The following OR2L13 variants were observed in gnomAD, a reference collection of about 807,000 sequenced individuals.
The protein encoded by OR2L13 is olfactory receptor 2L13.
In OR2L13, 14 loss-of-function variants were observed where a neutral mutation model predicts 15.3. The ratio of observed to expected loss-of-function variants is 0.91; its 90% CI spans 0.60 to 1.43. The LOEUF (loss-of-function observed/expected upper bound fraction) is 1.43. Among genes scored for constraint, OR2L13 ranks in the 40% most tolerant of loss-of-function variants. The probability of loss-of-function intolerance (pLI) is 0.00; values close to 1 mark genes in which losing one functional copy is unlikely to be tolerated. For synonymous variants in OR2L13, 152 were observed against 142.9 expected (o/e 1.06, Z -0.45); for missense variants, 367 against 387.9 (o/e 0.95, Z 0.45).
At chr1:247,951,423 G>C in the OR2L13 span, among the ~76,000 whole-genome samples, 1 of 152,082 alleles carries the variant, frequency 6.6e-6, no homozygotes, top group South Asian at 2.1e-4. Context: ...CTTTCGATTT[G>C]TTTGTATTCT....
chr1:247,996,473 T>C, the OR2L13 span, among the ~76,000 whole-genome samples: 2 of 152,230 alleles, frequency 1.3e-5, no homozygotes, highest in African/African-American at 2.4e-5. Flanking sequence ...TTTTCTAAAC[T>C]CTTCTTTCAG....
the OR2L13 span, among the ~76,000 whole-genome samples, chr1:247,993,762 GGAGAGAGAGAGA>G: frequency 7.1e-4 from 38 of 53,666 alleles, 1 homozygote; most frequent in African/African-American, 3.0e-3. Flanking sequence ...AGAGAGAGGG[GGAGAGAGAGAGA>G]GAGAGAGAGA....
the OR2L13 span, among the ~76,000 whole-genome samples, chr1:248,075,457 A>G: frequency 1.3e-5 from 2 of 152,184 alleles, no homozygotes; most frequent in South Asian, 4.1e-4. Flanking sequence ...GAACTAATTT[A>G]CACTCCCACC....
chr1:248,018,018 G>A, the OR2L13 span, among the ~76,000 whole-genome samples: 5 of 152,012 alleles, frequency 3.3e-5, no homozygotes, highest in African/African-American at 7.3e-5. Context: ...AGCCTGGCGT[G>A]GTGGTGGGCC....
At chr1:248,016,785 G>A in the OR2L13 span, among the ~76,000 whole-genome samples, 2 of 151,750 alleles carry the variant, frequency 1.3e-5, no homozygotes, top group Admixed American at 6.6e-5. Context: ...ATAAACTTAT[G>A]TATGTATGTG....
the OR2L13 span, among the ~76,000 whole-genome samples, chr1:247,979,539 AT>A: frequency 6.6e-6 from 1 of 151,852 alleles, no homozygotes; most frequent in South Asian, 2.1e-4. Flanking sequence ...TATGTGCCAC[AT>A]TTTTTTTATC....
the OR2L13 span, among the ~76,000 whole-genome samples, chr1:247,961,931 A>C: frequency 6.6e-6 from 1 of 152,206 alleles, no homozygotes; most frequent in Non-Finnish European, 1.5e-5. Context: ...TTAAAAATTC[A>C]GAATCTTACT....
the OR2L13 span, among the ~76,000 whole-genome samples, chr1:247,964,502 C>T: frequency 1.3e-5 from 2 of 152,122 alleles, no homozygotes; most frequent in East Asian, 3.8e-4. Context: ...AATTTATCAT[C>T]CACACAATTT....
the OR2L13 span, chr1:248,022,873 C>T: frequency 2.6e-5 from 41 of 1,606,470 alleles, no homozygotes; most frequent in South Asian, 6.6e-5. Flanking sequence ...AATATCTTCT[C>T]GGTGAAAATG....
the OR2L13 span, among the ~76,000 whole-genome samples, chr1:248,024,705 T>C: frequency 2.0e-5 from 3 of 152,174 alleles, no homozygotes; most frequent in Non-Finnish European, 2.9e-5. Flanking sequence ...TTGTCAAAGA[T>C]CAGATAGTTG....
At chr1:248,016,718 T>G in the OR2L13 span, among the ~76,000 whole-genome samples, 1 of 151,876 alleles carries the variant, frequency 6.6e-6, no homozygotes, top group Non-Finnish European at 1.5e-5. Context: ...AAATGTATAT[T>G]TATATATGTA....
the OR2L13 span, among the ~76,000 whole-genome samples, chr1:247,953,825 A>G: frequency 2.0e-5 from 3 of 152,108 alleles, no homozygotes; most frequent in Non-Finnish European, 4.4e-5. Context: ...AATGCAGTGT[A>G]CCTGAATAAA....
the OR2L13 span, among the ~76,000 whole-genome samples, chr1:248,072,584 A>G: frequency 6.6e-6 from 1 of 152,142 alleles, no homozygotes; most frequent in African/African-American, 2.4e-5. Context: ...CTTCATGTCT[A>G]AAACACCAAA....
the OR2L13 span, among the ~76,000 whole-genome samples, chr1:247,970,480 A>G: frequency 1.3e-5 from 2 of 152,002 alleles, no homozygotes; most frequent in Non-Finnish European, 2.9e-5. Flanking sequence ...AAAACCCACA[A>G]CTTGTGTGTA....
the OR2L13 span, among the ~76,000 whole-genome samples, chr1:247,938,090 A>G: frequency 6.6e-6 from 1 of 152,160 alleles, no homozygotes; most frequent in Admixed American, 6.5e-5. Flanking sequence ...CAACTATTTA[A>G]TGTTCATAAT....
the OR2L13 span, chr1:247,966,131 A>G: frequency 6.2e-7 from 1 of 1,614,164 alleles, no homozygotes; most frequent in Non-Finnish European, 8.5e-7. Flanking sequence ...AGCCTGTTCT[A>G]TGCAACCACT....
the OR2L13 span, among the ~76,000 whole-genome samples, chr1:248,017,373 T>C: frequency 1.3e-5 from 2 of 152,188 alleles, no homozygotes; most frequent in Non-Finnish European, 2.9e-5. Context: ...ATTTAAATAA[T>C]GTTATATGGT....
the OR2L13 span, among the ~76,000 whole-genome samples, chr1:248,035,968 TTAC>T: frequency 1.1e-4 from 16 of 151,974 alleles, no homozygotes; most frequent in South Asian, 4.1e-4. Flanking sequence ...CTGATTATTA[TTAC>T]TACTATTTCT....
the OR2L13 span, among the ~76,000 whole-genome samples, chr1:248,068,998 T>C: frequency 6.6e-6 from 1 of 152,140 alleles, no homozygotes; most frequent in East Asian, 1.9e-4. Flanking sequence ...CTACATCTGA[T>C]TGGTGTACCT....
Sources: gnomAD v4.1 joint callset for allele counts (sites outside exome capture counted in the v4.1 genomes callset) on GRCh38, gnomAD v4.1.1 for gene constraint, MANE v1.5 for transcripts, NCBI Gene and HGNC (gene_info 2026-07-23, HGNC 2026-07-21) for gene names.